FRMD3: variants seen among roughly 807,000 people sequenced by gnomAD.
FRMD3 encodes FERM domain-containing protein 3.
FRMD3 carries 33 observed loss-of-function variants against 70.2 expected under a neutral mutation model. That is an observed-to-expected ratio of 0.47 (90% CI 0.36 to 0.63). The LOEUF is 0.63. FRMD3 is among the 20% of genes least tolerant of loss of function. FRMD3 has a pLI of 0.00. For missense variants in FRMD3, 632 were observed against 711.4 expected (o/e 0.89, Z 1.27); for synonymous variants, 279 against 255.9 (o/e 1.09, Z -0.86).
chr9:83,357,296 T>TATATATAAAA (rs1824431838), intron 3 of FRMD3, among the ~76,000 whole-genome samples: 1 of 79,582 alleles, frequency 1.3e-5, no homozygotes, highest in South Asian at 4.3e-4. Context: ...TATATATATA[T>TATATATAAAA]AAAACATTTT....
At chr9:83,359,531 T>A (rs1265430297) in intron 3 of FRMD3, among the ~76,000 whole-genome samples, 1 of 152,050 alleles carries the variant, frequency 6.6e-6, no homozygotes, top group Non-Finnish European at 1.5e-5. Context: ...TATTTTCAAC[T>A]TTGGAAGGCT....
chr9:83,357,240 TACATAC>T (rs1355728029), intron 3 of FRMD3, among the ~76,000 whole-genome samples: 2,666 of 7,254 alleles, frequency 0.37, 262 homozygotes, highest in Non-Finnish European at 0.44. Flanking sequence ...ATATATATAA[TACATAC>T]ATATATATAT....
At chr9:83,291,495 C>T (rs1206124045) in intron 12 of FRMD3, among the ~76,000 whole-genome samples, 1 of 152,176 alleles carries the variant, frequency 6.6e-6, no homozygotes, top group Admixed American at 6.5e-5. Flanking sequence ...AAAACCAGTG[C>T]ATACTTTAAA....
intron 1 of FRMD3, among the ~76,000 whole-genome samples, chr9:83,456,222 C>T (rs1203525494): frequency 3.3e-5 from 5 of 152,172 alleles, no homozygotes; most frequent in Admixed American, 3.3e-4. Context: ...AGTTTATAGA[C>T]CTTTTTATAT....
chr9:83,352,275 G>A (rs1440719195), intron 3 of FRMD3, among the ~76,000 whole-genome samples: 1 of 152,198 alleles, frequency 6.6e-6, no homozygotes, highest in Non-Finnish European at 1.5e-5. Flanking sequence ...TTTAAAGAGA[G>A]CAGAAAAATA....
At chr9:83,428,466 G>A (rs1826876465) in intron 1 of FRMD3, among the ~76,000 whole-genome samples, 2 of 151,690 alleles carry the variant, frequency 1.3e-5, no homozygotes, top group Admixed American at 1.3e-4. Context: ...AAGAATGGAA[G>A]GATACTTCCA....
Position 83,423,585 on chromosome 9 carries a change from C to CTTTTTTTTTTTTTT in FRMD3, c.148-33891_148-33878dup, listed in dbSNP as rs869226126. On this transcript the variant is annotated intron_variant, in intron 1 of 13. Coordinates refer to ENST00000304195, the MANE Select transcript of FRMD3 (RefSeq NM_174938.6). ...TTCCCTAGTTGCACTAGCCCTGTTT[C>CTTTTTTTTTTTTTT]TTTTTTTTTTTTTTTTTTTTTTTTT... 8.3e-4 allele frequency among the ~76,000 whole-genome samples: 50 copies of CTTTTTTTTTTTTTT among 60,482 alleles called. 12 individuals are homozygous for CTTTTTTTTTTTTTT. The highest frequency in any genetic ancestry group is 1.7e-3 in the East Asian group (3 of 1,756). The allele number at this position is 60,482 out of a possible 152,430, so 39.7% of individuals were successfully genotyped here.
chr9:83,317,482 A>G (rs1413118298), intron 6 of FRMD3, among the ~76,000 whole-genome samples: 1 of 152,072 alleles, frequency 6.6e-6, no homozygotes, highest in Non-Finnish European at 1.5e-5. Context: ...ACTAATAAGT[A>G]CTCCTCTGAT....
At chr9:83,297,297 G>A (rs1356250026) in intron 12 of FRMD3, among the ~76,000 whole-genome samples, 1 of 152,108 alleles carries the variant, frequency 6.6e-6, no homozygotes, top group Non-Finnish European at 1.5e-5. Flanking sequence ...AACCACTTGG[G>A]GTAGTTCCAC....
the FRMD3 span, among the ~76,000 whole-genome samples, chr9:83,547,400 T>C: frequency 6.6e-6 from 1 of 151,040 alleles, no homozygotes; most frequent in Non-Finnish European, 1.5e-5. Context: ...ATTTAAAGTG[T>C]CTGAAAGTAT....
At chr9:83,501,332 CAGTA>C (rs1157593365) in intron 1 of FRMD3, among the ~76,000 whole-genome samples, 1 of 151,938 alleles carries the variant, frequency 6.6e-6, no homozygotes, top group East Asian at 1.9e-4. Flanking sequence ...TAGCAGGAAT[CAGTA>C]AGTATGTGTT....
chr9:83,350,621 CT>C, intron 3 of FRMD3: 1 of 203,670 alleles, frequency 4.9e-6, no homozygotes, highest in Non-Finnish European at 5.7e-6. Context: ...GAAACTCCAT[CT>C]CAAAAAAAAA....
intron 3 of FRMD3, among the ~76,000 whole-genome samples, chr9:83,360,337 A>G (rs1824541804): frequency 6.6e-6 from 1 of 152,160 alleles, no homozygotes; most frequent in Non-Finnish European, 1.5e-5. Flanking sequence ...TGATACTATA[A>G]AGTTGCATCC....
At chr9:83,382,727 C>T (rs565601866) in intron 2 of FRMD3, among the ~76,000 whole-genome samples, 2 of 152,224 alleles carry the variant, frequency 1.3e-5, no homozygotes, top group East Asian at 1.9e-4. Context: ...TCTCTCTGCA[C>T]ATTCTTTTCT....
intron 3 of FRMD3, among the ~76,000 whole-genome samples, chr9:83,368,797 A>G (rs1374287222): frequency 6.6e-6 from 1 of 152,186 alleles, no homozygotes; most frequent in Non-Finnish European, 1.5e-5. Context: ...CTCCTTGACT[A>G]GATATTTATC....
At chr9:83,572,608 T>C in the FRMD3 span, among the ~76,000 whole-genome samples, 15 of 152,282 alleles carry the variant, frequency 9.9e-5, no homozygotes, top group Non-Finnish European at 4.4e-5. Flanking sequence ...TAGAGAAATA[T>C]AGAATGATTG....
At chr9:83,574,065 A>G in the FRMD3 span, among the ~76,000 whole-genome samples, 1 of 152,174 alleles carries the variant, frequency 6.6e-6, no homozygotes, top group Non-Finnish European at 1.5e-5. Context: ...TCCGCTACAC[A>G]TGAAATTCCA....
In FRMD3 at chr9:83,247,969, C is replaced by G; in HGVS notation, c.1743G>C (p.Glu581Asp). ...TGAGGTGGACTTTCCCAGCCACCCA[C>G]TCCTTGAGGGGACAGTAGTATTCAT... ...FHYEYYCPLKEWVAGKVHLIL... is the reference protein window; with the variant it reads ...FHYEYYCPLKDWVAGKVHLIL... The change falls in exon 14 of 14, where the codon GAG (glutamate) becomes GAC (aspartate). Residue 581 changes from glutamate (E) to aspartate (D), a missense_variant. This residue lies in a region of FRMD3 where 418 missense variants were observed against 442.1 expected (regional missense o/e 0.95). Transcript: ENST00000304195. The G allele has an allele frequency of 6.2e-7, 1 of 1,614,208 alleles. No homozygotes were observed. The highest frequency in any genetic ancestry group is 1.1e-5 in the South Asian group (1 of 91,084).
intron 1 of FRMD3, among the ~76,000 whole-genome samples, chr9:83,499,002 C>T (rs750596731): frequency 6.6e-6 from 1 of 152,092 alleles, no homozygotes; most frequent in Non-Finnish European, 1.5e-5. Context: ...TCTAACGTGG[C>T]AATATCCTTG....
Sources: gnomAD v4.1 joint callset for allele counts (sites outside exome capture counted in the v4.1 genomes callset) on GRCh38, gnomAD v4.1.1 for gene constraint, gnomAD v4.1.1 regional missense constraint, MANE v1.5 for transcripts, NCBI Gene and HGNC (gene_info 2026-07-23, HGNC 2026-07-21) for gene names.